Variants in NCOA2 observed in about 807,000 individuals in gnomAD.
NCOA2 encodes class E basic helix-loop-helix protein 75.
Under a neutral mutation model 145.1 loss-of-function variants are expected in NCOA2, and 21 were observed. The ratio of observed to expected loss-of-function variants is 0.14; its 90% CI spans 0.10 to 0.21. The LOEUF is 0.21. Among genes scored for constraint, NCOA2 ranks in the 10% least tolerant of loss-of-function variants. The probability of loss-of-function intolerance (pLI) is 1.00; values close to 1 mark genes in which losing one functional copy is unlikely to be tolerated. For missense variants in NCOA2, 1,472 were observed against 1,837.6 expected (o/e 0.80, Z 3.64); for synonymous variants, 619 against 637.5 (o/e 0.97, Z 0.44).
the NCOA2 span, among the ~76,000 whole-genome samples, chr8:70,412,657 A>G: frequency 6.7e-6 from 1 of 148,734 alleles, no homozygotes; most frequent in African/African-American, 2.4e-5. Context: ...CAAAAAAAAA[A>G]AAAAAAAAAA....
intron 1 of NCOA2, among the ~76,000 whole-genome samples, chr8:70,331,007 CCA>C (rs1186151580): frequency 6.6e-6 from 1 of 150,860 alleles, no homozygotes; most frequent in Non-Finnish European, 1.5e-5. Flanking sequence ...TCCCGTACTC[CCA>C]CTTACTTAAG....
At chr8:70,228,954 T>G (rs1586179927) in intron 2 of NCOA2, among the ~76,000 whole-genome samples, 1 of 152,218 alleles carries the variant, frequency 6.6e-6, no homozygotes, top group Non-Finnish European at 1.5e-5. Flanking sequence ...TATATACGTG[T>G]TCATAGCACA....
At chr8:70,277,801 C>T (rs1022504926) in intron 2 of NCOA2, among the ~76,000 whole-genome samples, 13 of 152,180 alleles carry the variant, frequency 8.5e-5, no homozygotes, top group Admixed American at 8.5e-4. Context: ...TTGCTATTTC[C>T]CCACTGTCGT....
At chr8:70,367,065 T>C (rs1234769392) in intron 1 of NCOA2, among the ~76,000 whole-genome samples, 1 of 152,178 alleles carries the variant, frequency 6.6e-6, no homozygotes, top group African/African-American at 2.4e-5. Flanking sequence ...AGGACAATAA[T>C]AGCAACCCGA....
intron 1 of NCOA2, among the ~76,000 whole-genome samples, chr8:70,346,506 TTGCC>T (rs1288896126): frequency 3.3e-5 from 5 of 152,208 alleles, no homozygotes; most frequent in African/African-American, 1.2e-4. Context: ...TGAACTTGAG[TTGCC>T]TGCCTTTTTC....
At position 70,156,183 on chromosome 8, in the gene NCOA2, C is replaced by T. The variant is rs1812266209; in HGVS notation, c.2182G>A (p.Val728Met). The T allele has an allele frequency of 6.2e-7, 1 of 1,613,992 alleles. No homozygotes were observed. Among genetic ancestry groups the T allele is most frequent in the East Asian group, 2.2e-5 (1 of 44,874 alleles). The stretch of plus-strand genomic sequence containing the variant: ...CTCACCGGCTCTTGTTTAATAGTCA[C>T]TTCTGATCCAGGAGCTGTGCTGCTG... ...ESSSTAPGSE[V>M]TIKQEPVSPK... Residue 728 changes from valine (V) to methionine (M), a missense_variant, in exon 11 of 23, where the codon GTG becomes ATG. Val to Met is a conservative substitution (Grantham distance 21, BLOSUM62 1). Around this residue, in one of 4 missense-constraint regions of NCOA2, gnomAD observed 953 missense variants for 1,062.1 expected, o/e 0.90. Coordinates refer to ENST00000452400, the MANE Select transcript of NCOA2 (RefSeq NM_006540.4).
chr8:70,260,492 G>A (rs1478096517), intron 2 of NCOA2, among the ~76,000 whole-genome samples: 2 of 152,090 alleles, frequency 1.3e-5, no homozygotes, highest in Admixed American at 6.5e-5. Context: ...ACTTCCAAAT[G>A]AATTTTAACT....
Position 70,213,891 on chromosome 8 carries a change from C to A in NCOA2, c.259+12G>T. ...AATTCAACTCTTCAAAATACTAATT[C>A]AGTCCTCTTACCTTGTTCTTTGATC... On this transcript the variant is annotated intron_variant, in intron 4 of 22. Transcript: ENST00000452400. 6.4e-7 allele frequency: 1 copy of A among 1,564,556 alleles called. No individual in the cohort carries two copies. The highest frequency in any genetic ancestry group is 2.3e-5 in the East Asian group (1 of 43,836).
intron 11 of NCOA2, among the ~76,000 whole-genome samples, chr8:70,155,029 C>T (rs1323523920): frequency 6.6e-6 from 1 of 152,084 alleles, no homozygotes; most frequent in Non-Finnish European, 1.5e-5. Context: ...ATGTTGTATA[C>T]CATAAATATA....
chr8:70,437,762 A>G, the NCOA2 span, among the ~76,000 whole-genome samples: 2 of 152,222 alleles, frequency 1.3e-5, no homozygotes, highest in African/African-American at 4.8e-5. Context: ...ATGAATGTAC[A>G]GCAAAAAATA....
chr8:70,330,370 G>C (rs946233446), intron 1 of NCOA2, among the ~76,000 whole-genome samples: 5 of 151,868 alleles, frequency 3.3e-5, no homozygotes, highest in African/African-American at 1.2e-4. Flanking sequence ...AGGAATTCAA[G>C]ACCAGCCCAG....
intron 2 of NCOA2, among the ~76,000 whole-genome samples, chr8:70,231,889 G>A (rs1318629129): frequency 6.6e-6 from 1 of 152,134 alleles, no homozygotes; most frequent in Non-Finnish European, 1.5e-5. Context: ...ATCCCCCACA[G>A]TTACTGAAGC....
At chr8:70,424,141 A>G in the NCOA2 span, 102 of 196,828 alleles carry the variant, frequency 5.2e-4, no homozygotes, top group African/African-American at 2.2e-3. Context: ...CTTCTTGGAC[A>G]CAGCCATAGT....
intron 4 of NCOA2, among the ~76,000 whole-genome samples, chr8:70,209,053 T>C (rs1200646055): frequency 6.6e-6 from 1 of 152,208 alleles, no homozygotes; most frequent in Non-Finnish European, 1.5e-5. Context: ...CTAGATGCCA[T>C]GAAGAACATT....
chr8:70,417,125 G>C, the NCOA2 span, among the ~76,000 whole-genome samples: 2 of 151,436 alleles, frequency 1.3e-5, no homozygotes, highest in Non-Finnish European at 2.9e-5. Flanking sequence ...TACCTTCTTG[G>C]TGCTGGGCAT....
At chr8:70,404,566 A>G (rs965787859), upstream of NCOA2, among the ~76,000 whole-genome samples, 1 of 152,228 alleles carries the variant, frequency 6.6e-6, no homozygotes, top group Non-Finnish European at 1.5e-5. Context: ...CTCCCATTGC[A>G]GTCCTAGCTC....
chr8:70,281,488 T>G (rs980522925), intron 2 of NCOA2, among the ~76,000 whole-genome samples: 1 of 152,008 alleles, frequency 6.6e-6, no homozygotes, highest in African/African-American at 2.4e-5. Flanking sequence ...CAGAAAAGAT[T>G]ATGCTGTGGC....
chr8:70,400,100 C>T (rs1370641799), intron 1 of NCOA2, among the ~76,000 whole-genome samples: 2 of 152,140 alleles, frequency 1.3e-5, no homozygotes, highest in African/African-American at 4.8e-5. Flanking sequence ...TTTATATTTC[C>T]AATAAAATGC....
chr8:70,335,350 G>A (rs1563776289), intron 1 of NCOA2, among the ~76,000 whole-genome samples: 1 of 151,896 alleles, frequency 6.6e-6, no homozygotes, highest in South Asian at 2.1e-4. Context: ...GAACTGAGCT[G>A]GTTTGTCTTT....
Sources: gnomAD v4.1 joint callset for allele counts (sites outside exome capture counted in the v4.1 genomes callset) on GRCh38, gnomAD v4.1.1 for gene constraint, gnomAD v4.1.1 regional missense constraint, MANE v1.5 for transcripts, NCBI Gene and HGNC (gene_info 2026-07-23, HGNC 2026-07-21) for gene names.